The following PCNX1 variants were observed in gnomAD, a reference collection of about 807,000 sequenced individuals.
PCNX1 encodes pecanex 1, also known as pecanex-like protein 1.
In PCNX1, 78 loss-of-function variants were observed where a neutral mutation model predicts 242.2. The ratio of observed to expected loss-of-function variants is 0.32; its 90% CI spans 0.27 to 0.39. PCNX1 has a LOEUF of 0.39. Among genes scored for constraint, PCNX1 ranks in the 10% least tolerant of loss-of-function variants. The probability of loss-of-function intolerance (pLI) is 1.00; values close to 1 mark genes in which losing one functional copy is unlikely to be tolerated. For missense variants in PCNX1, 2,581 were observed against 2,856.5 expected (o/e 0.90, Z 2.20); for synonymous variants, 1,024 against 1,032.9 (o/e 0.99, Z 0.17).
At chr14:71,086,599 A>G (rs1472233316) in intron 28 of PCNX1, among the ~76,000 whole-genome samples, 2 of 152,192 alleles carry the variant, frequency 1.3e-5, no homozygotes, top group East Asian at 3.8e-4. Flanking sequence ...AGCCAGTCCC[A>G]AGGTTTTTCG....
At chr14:70,976,620 A>G (rs770538861) in intron 5 of PCNX1, among the ~76,000 whole-genome samples, 36 of 151,868 alleles carry the variant, frequency 2.4e-4, no homozygotes, top group African/African-American at 6.3e-4. Context: ...TGATCCACCC[A>G]CCTTGGCCTC....
Position 71,110,758 on chromosome 14 carries a change from G to C in PCNX1, c.*823G>C, listed in dbSNP as rs575629215. ...ACATTTCCCAGAGCCAATAGTCAGC[G>C]GATCGGTCTTGTGAACACCACTGCC... On this transcript the variant is annotated 3_prime_UTR_variant, in exon 36 of 36. Transcript: ENST00000304743. 6.6e-6 allele frequency: 1 copy of C among 152,648 alleles called. No individual in the cohort carries two copies. The highest frequency in any genetic ancestry group is 1.9e-4 in the East Asian group (1 of 5,192). 9.5% of individuals were successfully genotyped at this position (152,648 alleles called of 1,614,324 possible). A position where few individuals can be genotyped will look rare whatever the true frequency, so the allele number is the denominator to read the frequency against.
intron 6 of PCNX1, among the ~76,000 whole-genome samples, chr14:70,984,475 C>CTTTTT (rs1312569331): frequency 4.0e-5 from 6 of 151,232 alleles, no homozygotes; most frequent in Non-Finnish European, 7.4e-5. Context: ...CAAGCTCCAC[C>CTTTTT]TTCTGAGTTC....
chr14:71,050,538 A>AT, intron 22 of PCNX1, 114 bp from the exon 23 acceptor site: 6 of 875,374 alleles, frequency 6.9e-6, no homozygotes, highest in Non-Finnish European at 1.0e-5. Context: ...TTTCAATGCC[A>AT]TTTCCCTATT....
chr14:70,916,957 T>C (rs1203226160), intron 1 of PCNX1, among the ~76,000 whole-genome samples: 1 of 152,244 alleles, frequency 6.6e-6, no homozygotes, highest in Non-Finnish European at 1.5e-5. Context: ...TCTAGATCTT[T>C]TGTTGTCATT....
At chr14:71,036,963 T>C (rs986548009) in intron 19 of PCNX1, among the ~76,000 whole-genome samples, 3 of 152,192 alleles carry the variant, frequency 2.0e-5, no homozygotes, top group Middle Eastern at 3.4e-3. Flanking sequence ...TTTTATTTCC[T>C]TGAGCAGCGG....
At chr14:70,932,643 G>A (rs112451950) in intron 1 of PCNX1, among the ~76,000 whole-genome samples, 4,270 of 150,278 alleles carry the variant, frequency 0.028, 173 homozygotes, top group African/African-American at 0.098. Context: ...ATGGAATTTC[G>A]CTCTTGTTGC....
intron 28 of PCNX1, among the ~76,000 whole-genome samples, chr14:71,081,580 T>C (rs1169425826): frequency 6.6e-6 from 1 of 152,192 alleles, no homozygotes; most frequent in Non-Finnish European, 1.5e-5. Context: ...TTCGACTTCT[T>C]CTTGGTTTAT....
chr14:71,023,309 T>G, intron 13 of PCNX1, 77 bp downstream of exon 13: 1 of 1,175,136 alleles, frequency 8.5e-7, no homozygotes, highest in East Asian at 2.3e-5. Flanking sequence ...TTTTTTGTTT[T>G]TTTGTTTTGT....
At chr14:70,954,705 A>G (rs2057924402) in intron 2 of PCNX1, among the ~76,000 whole-genome samples, 1 of 152,150 alleles carries the variant, frequency 6.6e-6, no homozygotes, top group African/African-American at 2.4e-5. Context: ...CCTTGTCTAT[A>G]TGATCACAAT....
intron 19 of PCNX1, chr14:71,044,288 C>G (rs1438811058): frequency 2.6e-5 from 4 of 152,660 alleles, no homozygotes; most frequent in African/African-American, 9.7e-5. Flanking sequence ...TGGGTCTGGG[C>G]AGGCTGGTCC....
intron 30 of PCNX1, among the ~76,000 whole-genome samples, chr14:71,097,076 G>A (rs76859855): frequency 9.9e-5 from 15 of 152,088 alleles, no homozygotes; most frequent in African/African-American, 3.6e-4. Context: ...AGCCTTCTAA[G>A]AATTATCCTA....
intron 5 of PCNX1, among the ~76,000 whole-genome samples, chr14:70,976,441 C>T (rs1021278862): frequency 4.7e-5 from 7 of 148,214 alleles, no homozygotes; most frequent in Admixed American, 1.4e-4. Context: ...GGTACGATCT[C>T]GGCTCACTGC....
chr14:70,938,627 G>A (rs2057106763), intron 1 of PCNX1, among the ~76,000 whole-genome samples: 2 of 152,172 alleles, frequency 1.3e-5, no homozygotes, highest in East Asian at 1.9e-4. Flanking sequence ...TTGGTATCAG[G>A]ATGATGCTGG....
chr14:70,931,423 G>A (rs2056794336), intron 1 of PCNX1, among the ~76,000 whole-genome samples: 1 of 152,188 alleles, frequency 6.6e-6, no homozygotes, highest in African/African-American at 2.4e-5. Flanking sequence ...AAAGAAGGCA[G>A]CACTGCTATT....
In PCNX1 at chr14:71,036,129, A is replaced by T. The variant is rs1306100672; in HGVS notation, c.3839A>T (p.His1280Leu). 6.2e-6 allele frequency: 10 copies of T among 1,604,276 alleles called. No individual in the cohort carries two copies. The East Asian group carries it at 2.2e-4, about 36-fold the overall frequency. Reference sequence around the variant, plus strand: ...ATTGGTGTGCTGTATTTTGCTATTCATGTAAGCACAGTCTTCACAGTATTG... The same window carrying T: ...ATTGGTGTGCTGTATTTTGCTATTCTTGTAAGCACAGTCTTCACAGTATTG... ...IVIGVLYFAI[H>L]VSTVFTVLQP... Residue 1280 changes from histidine (H) to leucine (L), a missense_variant, in exon 19 of 36, where the codon CAT becomes CTT. By Grantham distance (99) the His-to-Leu change is moderately conservative. Coordinates refer to ENST00000304743, the MANE Select transcript of PCNX1 (RefSeq NM_014982.3).
Position 71,088,524 on chromosome 14 carries a change from T to C in PCNX1, c.5438+94T>C. ...TTTCATGGACGCATGTATTCTATGC[T>C]AATTTATTGTAAAGTCTTTTTAGGT... is the stretch of plus-strand genomic sequence containing the variant. On this transcript the variant is annotated intron_variant, in intron 29 of 35. Coordinates refer to ENST00000304743, the MANE Select transcript of PCNX1 (RefSeq NM_014982.3). 5 of 659,148 alleles carry C rather than the reference T, an allele frequency of 7.6e-6. No individual in the cohort carries two copies. In the Middle Eastern group the frequency reaches 7.6e-4, roughly 100 times the overall value. 40.8% of individuals were successfully genotyped at this position (659,148 alleles called of 1,614,324 possible). A position where few individuals can be genotyped will look rare whatever the true frequency, so the allele number is the denominator to read the frequency against.
In PCNX1 at chr14:71,009,637, A is replaced by G; in HGVS notation, c.2633A>G (p.Lys878Arg). Residue 878 changes from lysine (K) to arginine (R), a missense_variant, in exon 9 of 36, where the codon AAG becomes AGG. Physicochemically the swap from Lys to Arg is conservative, Grantham distance 26. Around this residue, in one of 9 missense-constraint regions of PCNX1, gnomAD observed 1,204 missense variants for 1,216.7 expected, o/e 0.99. Transcript: ENST00000304743. ...AAAATAATCATTTATTTGCTAGGTA[A>G]GTTCTCTTCTACGCTGTATGAGACT... ...GGSSLHDELGKFSSTLYETGG... is the reference protein window; with the variant it reads ...GGSSLHDELGRFSSTLYETGG... 1 of 1,532,214 alleles carries G rather than the reference A, an allele frequency of 6.5e-7. No homozygotes were observed. Among genetic ancestry groups the G allele is most frequent in the South Asian group, 1.2e-5 (1 of 80,908 alleles). The allele number at this position is 1,532,214 out of a possible 1,614,324, so 94.9% of individuals were successfully genotyped here. A position where few individuals can be genotyped will look rare whatever the true frequency, so the allele number is the denominator to read the frequency against.
intron 8 of PCNX1, among the ~76,000 whole-genome samples, chr14:71,005,534 G>T: frequency 6.6e-6 from 1 of 151,824 alleles, no homozygotes; most frequent in Non-Finnish European, 1.5e-5. Context: ...GGTGGGGAAT[G>T]CAATTGGAGT....
Sources: gnomAD v4.1 joint callset for allele counts (sites outside exome capture counted in the v4.1 genomes callset) on GRCh38, gnomAD v4.1.1 for gene constraint, gnomAD v4.1.1 regional missense constraint, MANE v1.5 for transcripts, NCBI Gene and HGNC (gene_info 2026-07-23, HGNC 2026-07-21) for gene names.